Variants in ARHGAP20 observed in about 807,000 individuals in gnomAD.
The protein encoded by ARHGAP20 is Rho GTPase activating protein 20.
Under a neutral mutation model 73.7 loss-of-function variants are expected in ARHGAP20, and 34 were observed. The observed-to-expected ratio is 0.46, with a 90% CI of 0.35 to 0.61. ARHGAP20 has a LOEUF of 0.61. Ranked by LOEUF, ARHGAP20 falls within the 20% of genes least tolerant of loss-of-function variation. ARHGAP20 has a pLI of 0.00. For synonymous variants in ARHGAP20, 523 were observed against 518.2 expected (o/e 1.01, Z -0.13); for missense variants, 1,314 against 1,420.9 (o/e 0.92, Z 1.21).
chr11:110,676,481 C>T (rs904550240), intron 2 of ARHGAP20, among the ~76,000 whole-genome samples: 1 of 151,992 alleles, frequency 6.6e-6, no homozygotes, highest in African/African-American at 2.4e-5. Context: ...GGGAAAAGTC[C>T]CTTATGAAAC....
At chr11:110,639,240 C>A (rs1481531430) in intron 2 of ARHGAP20, among the ~76,000 whole-genome samples, 3 of 68,920 alleles carry the variant, frequency 4.4e-5, no homozygotes, top group African/African-American at 2.6e-4. Flanking sequence ...TATTCGATAC[C>A]CCCCCCCCAC....
At chr11:110,605,822 C>T (rs1971196) in intron 9 of ARHGAP20, among the ~76,000 whole-genome samples, 14 of 152,186 alleles carry the variant, frequency 9.2e-5, no homozygotes, top group East Asian at 5.8e-4. Context: ...CTTTGCAAAA[C>T]GCAAATCCAT....
intron 1 of ARHGAP20, among the ~76,000 whole-genome samples, chr11:110,702,538 C>T (rs111518162): frequency 2.0e-5 from 3 of 151,958 alleles, no homozygotes; most frequent in East Asian, 1.9e-4. Context: ...CTGGCCAGGG[C>T]AATTAGGCAG....
Position 110,577,797 on chromosome 11 carries a change from A to T in ARHGAP20, c.*1573T>A, listed in dbSNP as rs1947327559. 1 of 985,754 alleles carries T rather than the reference A, an allele frequency of 1.0e-6. No homozygotes were observed. The highest frequency in any genetic ancestry group is 1.2e-6 in the Non-Finnish European group (1 of 829,916). 61.1% of individuals were successfully genotyped at this position (985,754 alleles called of 1,614,324 possible). A position where few individuals can be genotyped will look rare whatever the true frequency, so the allele number is the denominator to read the frequency against. On this transcript the variant is annotated 3_prime_UTR_variant, in exon 15 of 15. Coordinates refer to ENST00000683387, the MANE Select transcript of ARHGAP20 (RefSeq NM_001384657.1). ...TGTCCCCAAGAGGTAGGTAGCACCT[A>T]TAGCTAATACTGAAATAACTTCTTC... is the stretch of plus-strand genomic sequence containing the variant.
At chr11:110,612,352 C>A (rs952535476) in intron 6 of ARHGAP20, among the ~76,000 whole-genome samples, 6 of 151,196 alleles carry the variant, frequency 4.0e-5, no homozygotes, top group African/African-American at 1.2e-4. Flanking sequence ...GGCTTGAACC[C>A]GGGAGGCGGA....
chr11:110,682,724 A>G (rs917413077), intron 2 of ARHGAP20, among the ~76,000 whole-genome samples: 2 of 152,168 alleles, frequency 1.3e-5, no homozygotes, highest in Non-Finnish European at 2.9e-5. Flanking sequence ...ATATCTATAC[A>G]TTATATAATG....
intron 1 of ARHGAP20, chr11:110,711,583 C>T: frequency 6.8e-7 from 1 of 1,471,858 alleles, no homozygotes; most frequent in South Asian, 1.3e-5. Context: ...CCCCCGAAAA[C>T]TGCTATGGAG....
At chr11:110,598,172 C>CT (rs35064891) in intron 9 of ARHGAP20, among the ~76,000 whole-genome samples, 78,299 of 145,318 alleles carry the variant, frequency 0.54, 22,183 homozygotes, top group African/African-American at 0.76. Context: ...ATATCCCCAC[C>CT]TTTTTTTTTT....
intron 2 of ARHGAP20, among the ~76,000 whole-genome samples, chr11:110,675,264 G>C (rs1333333927): frequency 3.9e-5 from 6 of 152,232 alleles, no homozygotes; most frequent in South Asian, 2.1e-4. Flanking sequence ...AGAAATCTAA[G>C]GCCCTCAGAC....
chr11:110,639,647 T>G (rs1949041024), intron 2 of ARHGAP20, among the ~76,000 whole-genome samples: 1 of 152,042 alleles, frequency 6.6e-6, no homozygotes, highest in Non-Finnish European at 1.5e-5. Flanking sequence ...TCTTTCTGTC[T>G]CTATGGAGTT....
In ARHGAP20 at chr11:110,609,094, T is replaced by C. The variant is rs376399910; in HGVS notation, c.709-44A>G. The C allele has an allele frequency of 8.9e-6, 14 of 1,576,938 alleles. No individual in the cohort carries two copies. The African/African-American group carries it at 1.4e-4, about 15-fold the overall frequency. ...AAATGTCACAATAAATCTTTCACAT[T>C]TGATACTTGAATGAGGACACATTTT... On this transcript the variant is annotated intron_variant, in intron 7 of 14. Transcript: ENST00000683387.
Position 110,577,991 on chromosome 11 carries a change from T to C in ARHGAP20, c.*1379A>G, listed in dbSNP as rs1473228494. The C allele has an allele frequency of 1.0e-6, 1 of 984,060 alleles. No individual in the cohort carries two copies. Among genetic ancestry groups the C allele is most frequent in the African/African-American group, 1.8e-5 (1 of 56,016 alleles). The allele number at this position is 984,060 out of a possible 1,614,324, so 61.0% of individuals were successfully genotyped here. ...CTGATGGTGAACTAAAGAGTTTAAATAAATGGGCTCAGAGCAACTTCTTAT... is the reference window on the plus strand; with the variant it reads ...CTGATGGTGAACTAAAGAGTTTAAACAAATGGGCTCAGAGCAACTTCTTAT... On this transcript the variant is annotated 3_prime_UTR_variant, in exon 15 of 15. Transcript: ENST00000683387.
At chr11:110,587,684 G>T (rs1029586785) in intron 11 of ARHGAP20, among the ~76,000 whole-genome samples, 6 of 152,172 alleles carry the variant, frequency 3.9e-5, no homozygotes, top group African/African-American at 1.2e-4. Flanking sequence ...TGGGAGCCAA[G>T]AGAAGGCCAA....
intron 2 of ARHGAP20, among the ~76,000 whole-genome samples, chr11:110,660,828 G>T (rs77494767): frequency 0.017 from 2,551 of 151,914 alleles, 76 homozygotes; most frequent in African/African-American, 0.058. Context: ...CCAAATACGA[G>T]AAAAAAATTG....
At chr11:110,589,377 A>G in intron 11 of ARHGAP20, 1 of 983,230 alleles carries the variant, frequency 1.0e-6, no homozygotes, top group Non-Finnish European at 1.2e-6. Context: ...TTATCCAGAA[A>G]CATCTGATTG....
intron 2 of ARHGAP20, among the ~76,000 whole-genome samples, chr11:110,643,846 G>T (rs1049442678): frequency 6.6e-6 from 1 of 151,948 alleles, no homozygotes; most frequent in African/African-American, 2.4e-5. Context: ...CTGTCAGTGG[G>T]GCCCTGAAGT....
intron 1 of ARHGAP20, among the ~76,000 whole-genome samples, chr11:110,692,430 A>T (rs542592188): frequency 2.0e-5 from 3 of 152,020 alleles, no homozygotes; most frequent in Non-Finnish European, 4.4e-5. Flanking sequence ...GGACCAATTT[A>T]CTACTTTGAA....
intron 2 of ARHGAP20, among the ~76,000 whole-genome samples, chr11:110,681,485 A>G (rs1392986732): frequency 6.6e-6 from 1 of 152,208 alleles, no homozygotes; most frequent in East Asian, 1.9e-4. Flanking sequence ...AAAGGTCCAC[A>G]CTAAACTGTC....
intron 2 of ARHGAP20, among the ~76,000 whole-genome samples, chr11:110,672,899 A>G (rs1210476396): frequency 6.6e-6 from 1 of 152,340 alleles, no homozygotes; most frequent in East Asian, 1.9e-4. Flanking sequence ...CAGAGTGAAG[A>G]CATACATCCA....
Sources: gnomAD v4.1 joint callset for allele counts (sites outside exome capture counted in the v4.1 genomes callset) on GRCh38, gnomAD v4.1.1 for gene constraint, MANE v1.5 for transcripts, NCBI Gene and HGNC (gene_info 2026-07-23, HGNC 2026-07-21) for gene names.